Variants in ETV5 observed in about 807,000 individuals in gnomAD.
The protein encoded by ETV5 is ETS translocation variant 5.
In ETV5, 10 loss-of-function variants were observed where a neutral mutation model predicts 70.0. That is an observed-to-expected ratio of 0.14 (90% CI 0.09 to 0.24). ETV5 has a LOEUF of 0.24. Among genes scored for constraint, ETV5 ranks in the 10% least tolerant of loss-of-function variants. The pLI is 1.00. For missense variants in ETV5, 453 were observed against 651.2 expected (o/e 0.70, Z 3.31); for synonymous variants, 216 against 242.2 (o/e 0.89, Z 1.01).
rs1431004636 is a variant in ETV5, at chr3:186,105,912, T to C, written c.-44A>G. On this transcript the variant is annotated 5_prime_UTR_variant, in exon 2 of 13. An upstream start codon of the reference 5' UTR is lost. Transcript: ENST00000306376. This position sits in a 1 kb window ranked among gnomAD's most constrained non-coding sequence, Gnocchi z 4.5. Reference sequence around the variant, plus strand: ...AATACCACTTTGAGAGGTTTCAGCATTGAGTAATTTCTGGGGGAAAAGGGA... The same window carrying C: ...AATACCACTTTGAGAGGTTTCAGCACTGAGTAATTTCTGGGGGAAAAGGGA... 8 of 1,607,658 alleles carry C rather than the reference T, an allele frequency of 5.0e-6. No homozygotes were observed. In the African/African-American group the frequency reaches 1.1e-4, roughly 21 times the overall value.
At chr3:186,097,930 C>G (rs1714344362) in intron 5 of ETV5, among the ~76,000 whole-genome samples, 1 of 152,324 alleles carries the variant, frequency 6.6e-6, no homozygotes, top group South Asian at 2.1e-4. Context: ...GCCCTCCATT[C>G]ACAACCAATT....
intron 11 of ETV5, among the ~76,000 whole-genome samples, chr3:186,055,643 C>T (rs1054425802): frequency 6.6e-6 from 1 of 152,134 alleles, no homozygotes; most frequent in Non-Finnish European, 1.5e-5. Context: ...TGAAGTCTGC[C>T]TTCTTCTCCT....
chr3:186,081,608 C>T (rs914422967), intron 5 of ETV5, among the ~76,000 whole-genome samples: 5 of 152,116 alleles, frequency 3.3e-5, no homozygotes, highest in African/African-American at 1.2e-4. Context: ...CTTAAAATTG[C>T]TGTGGCAAAT....
At chr3:186,102,201 A>T (rs2108445192) in intron 5 of ETV5, among the ~76,000 whole-genome samples, 1 of 152,246 alleles carries the variant, frequency 6.6e-6, no homozygotes, top group Non-Finnish European at 1.5e-5. Context: ...TAAAACTGAC[A>T]TTCCAAAATA....
intron 7 of ETV5, 33 bp downstream of exon 7, chr3:186,079,784 A>T: frequency 6.3e-7 from 1 of 1,581,150 alleles, no homozygotes; most frequent in Non-Finnish European, 8.6e-7. Flanking sequence ...AGTGAGGGAG[A>T]CAATTAAGGA....
At chr3:186,081,233 G>A in intron 5 of ETV5, 58 bp from the exon 6 acceptor site, 1 of 1,513,808 alleles carries the variant, frequency 6.6e-7, no homozygotes, top group South Asian at 1.2e-5. Context: ...TTAACAGGGA[G>A]CACAATGCTT....
At chr3:186,091,895 A>G (rs1377068784) in intron 5 of ETV5, among the ~76,000 whole-genome samples, 1 of 152,240 alleles carries the variant, frequency 6.6e-6, no homozygotes, top group African/African-American at 2.4e-5. Context: ...AGGATGTAAT[A>G]GCAGCCAATG....
At chr3:186,061,559 A>G (rs1276889675) in intron 9 of ETV5, among the ~76,000 whole-genome samples, 1 of 152,232 alleles carries the variant, frequency 6.6e-6, no homozygotes, top group Non-Finnish European at 1.5e-5. Context: ...ACACTGCTTT[A>G]AATCTTCAGG....
At chr3:186,053,645 C>T (rs1713087677) in intron 11 of ETV5, among the ~76,000 whole-genome samples, 1 of 152,140 alleles carries the variant, frequency 6.6e-6, no homozygotes, top group Non-Finnish European at 1.5e-5. Flanking sequence ...AGTCCAATTT[C>T]CGTTCAGTTG....
chr3:186,052,140 A>ATAGGAAAG lies in ETV5; in HGVS notation c.1210-10_1210-9insCTTTCCTA. The ATAGGAAAG allele has an allele frequency of 6.2e-7, 1 of 1,613,318 alleles. No homozygotes were observed. Among genetic ancestry groups the ATAGGAAAG allele is most frequent in the Non-Finnish European group, 8.5e-7 (1 of 1,179,436 alleles). On this transcript the variant is annotated splice_polypyrimidine_tract_variant and intron_variant, in intron 11 of 12. Coordinates refer to ENST00000306376, the MANE Select transcript of ETV5 (RefSeq NM_004454.3). This position sits in a 1 kb window ranked among gnomAD's most constrained non-coding sequence, Gnocchi z 4.5. ...CCCCAGCGCCGAGCAACCTGAAGAG[A>ATAGGAAAG]CAGGAAAGTGAAGAGCAATGGAAAC...
At chr3:186,080,999 C>T (rs1230508727) in intron 6 of ETV5, 47 bp downstream of exon 6, 20 of 1,567,072 alleles carry the variant, frequency 1.3e-5, no homozygotes, top group Non-Finnish European at 1.6e-5. Context: ...TGGCTACTTC[C>T]AGAGCCTTTC....
In ETV5 at chr3:186,048,430, T is replaced by A; in HGVS notation, c.*209A>T. On this transcript the variant is annotated 3_prime_UTR_variant, in exon 13 of 13. Coordinates refer to ENST00000306376, the MANE Select transcript of ETV5 (RefSeq NM_004454.3). ...GAATCAAGAGTTGAGGCACTGGCCT[T>A]TTGGTGGTTTTCTGCCCCTCCCTGT... The A allele has an allele frequency of 1.7e-6, 1 of 574,560 alleles. No homozygotes were observed. Among genetic ancestry groups the A allele is most frequent in the Non-Finnish European group, 3.1e-6 (1 of 321,466 alleles). The allele number at this position is 574,560 out of a possible 1,614,324, so 35.6% of individuals were successfully genotyped here. A position where few individuals can be genotyped will look rare whatever the true frequency, so the allele number is the denominator to read the frequency against.
chr3:186,084,393 T>C (rs571949635), intron 5 of ETV5: 3 of 332,812 alleles, frequency 9.0e-6, no homozygotes, highest in East Asian at 1.6e-4. Context: ...ACAAAGTCAG[T>C]GGTGCCCTGA....
At chr3:186,103,341 A>C (rs576274694) in intron 5 of ETV5, among the ~76,000 whole-genome samples, 5 of 152,322 alleles carry the variant, frequency 3.3e-5, no homozygotes, top group East Asian at 3.9e-4. Flanking sequence ...ACAGATAAAT[A>C]TCTCTCCAAA....
intron 5 of ETV5, among the ~76,000 whole-genome samples, chr3:186,092,364 A>G (rs1578558083): frequency 6.6e-6 from 1 of 152,230 alleles, no homozygotes; most frequent in East Asian, 1.9e-4. Context: ...AAGACAGTGG[A>G]ATTTCTCCCA....
chr3:186,071,032 G>A (rs1045822208), intron 7 of ETV5, among the ~76,000 whole-genome samples: 1 of 152,202 alleles, frequency 6.6e-6, no homozygotes, highest in Non-Finnish European at 1.5e-5. Flanking sequence ...TTTATTTAAA[G>A]AACTAGTTAT....
At chr3:186,099,446 A>G (rs1714397363) in intron 5 of ETV5, among the ~76,000 whole-genome samples, 1 of 152,244 alleles carries the variant, frequency 6.6e-6, no homozygotes. Context: ...CTTGGATTCC[A>G]AGTGGAGAAG....
At chr3:186,064,335 T>G in intron 9 of ETV5, 82 bp downstream of exon 9, 1 of 1,304,114 alleles carries the variant, frequency 7.7e-7, no homozygotes, top group East Asian at 2.3e-5. Context: ...GGAAGGAAGG[T>G]AGGAGAAAGA....
At chr3:186,062,193 T>C (rs1368137283) in intron 9 of ETV5, among the ~76,000 whole-genome samples, 4 of 152,212 alleles carry the variant, frequency 2.6e-5, no homozygotes, top group Non-Finnish European at 1.5e-5. Flanking sequence ...AGTGTAATGT[T>C]GGGTGCTATA....
Sources: allele counts gnomAD v4.1 joint callset (sites outside exome capture counted in the v4.1 genomes callset), GRCh38; gene constraint gnomAD v4.1.1; non-coding constraint Gnocchi (gnomAD v3.1); transcripts MANE v1.5; gene names NCBI Gene and HGNC (gene_info 2026-07-23, HGNC 2026-07-21).